The following FAM187B variants were observed in gnomAD, a reference collection of about 807,000 sequenced individuals.
FAM187B encodes the protein family with sequence similarity 187 member B.
In FAM187B, 22 loss-of-function variants were observed where a neutral mutation model predicts 22.6. That is an observed-to-expected ratio of 0.97 (90% CI 0.70 to 1.39). The LOEUF (loss-of-function observed/expected upper bound fraction) is 1.39, where lower values mean the gene tolerates loss of function less well. Among genes scored for constraint, FAM187B ranks in the 40% most tolerant of loss-of-function variants. The probability of loss-of-function intolerance (pLI) is 0.00; values close to 1 mark genes in which losing one functional copy is unlikely to be tolerated. For missense variants in FAM187B, 433 were observed against 462.1 expected (o/e 0.94, Z 0.58); for synonymous variants, 192 against 201.8 (o/e 0.95, Z 0.41).
rs1225551881 is a variant in FAM187B at position 35,228,169 on chromosome 19, G to C, written c.512C>G (p.Pro171Arg). 1 of 1,614,128 alleles carries C rather than the reference G, an allele frequency of 6.2e-7. No individual in the cohort carries two copies. The highest frequency in any genetic ancestry group is 2.2e-5 in the East Asian group (1 of 44,884). Reference sequence around the variant, plus strand: ...CCAGCAGGGCATGGCTTCCTCCAGAGGCTCCTCAATGTAGCGGTACCCCAG... The same window carrying C: ...CCAGCAGGGCATGGCTTCCTCCAGACGCTCCTCAATGTAGCGGTACCCCAG... ...KRLGYRYIEE[P>R]LEEAMPCWLY... The change falls in exon 1 of 2, where the codon CCT becomes CGT. Residue 171 changes from proline to arginine, a missense_variant. Coordinates refer to ENST00000324675, the MANE Select transcript of FAM187B (RefSeq NM_152481.2).
intron 1 of FAM187B, among the ~76,000 whole-genome samples, chr19:35,227,102 A>G (rs534706): frequency 0.68 from 103,602 of 152,014 alleles, 35,930 homozygotes; most frequent in Non-Finnish European, 0.75. Context: ...GCTAGAAAAA[A>G]GGAGGATTCT....
Position 35,228,285 on chromosome 19 carries a change from G to A in FAM187B, c.396C>T (p.Thr132=). ...TGAGCTGTTTGCTGCCCAAATGCAG[G>A]GTCTCGTTCTGCAGGGGCCTCTGAC... is the stretch of plus-strand genomic sequence containing the variant. ...DLGQRPLQNE[T]LHLGSKQLIF... Residue 132 remains threonine, a synonymous_variant, in exon 1 of 2, where the codon ACC becomes ACT. Coordinates refer to ENST00000324675, the MANE Select transcript of FAM187B (RefSeq NM_152481.2). 1 of 1,614,190 alleles carries A rather than the reference G, an allele frequency of 6.2e-7. No individual in the cohort carries two copies. Among genetic ancestry groups the A allele is most frequent in the Middle Eastern group, 1.6e-4 (1 of 6,062 alleles).
In FAM187B at chr19:35,228,565, T is replaced by C; in HGVS notation, c.116A>G (p.Asp39Gly). The stretch of plus-strand genomic sequence containing the variant: ...CGAGGAGTTGCAATACAGGAGAATA[T>C]CATTGCCTGAGAGTAGGGCCTGTTG... ...QCQQALLSGN[D>G]ILLYCNSSGA... is the part of the protein sequence containing the mutation. Residue 39 changes from aspartate to glycine, a missense_variant, in exon 1 of 2, where the codon GAT becomes GGT. By Grantham distance (94) the Asp-to-Gly change is moderately conservative. Transcript: ENST00000324675. The C allele has an allele frequency of 6.2e-7, 1 of 1,614,124 alleles. No individual in the cohort carries two copies. Among genetic ancestry groups the C allele is most frequent in the Non-Finnish European group, 8.5e-7 (1 of 1,180,030 alleles).
At position 35,225,045 on chromosome 19, in the gene FAM187B, T is replaced by C. The variant is rs1341933772; in HGVS notation, c.890A>G (p.Lys297Arg). Residue 297 changes from lysine (K) to arginine (R), a missense_variant, in exon 2 of 2, where the codon AAA (lysine) becomes AGA (arginine). Transcript: ENST00000324675. ...FVQQELVAQF[K>R]PAASLETLEA... is the part of the protein sequence containing the mutation. The stretch of plus-strand genomic sequence containing the variant: ...CAGCGTCTCCAGACTGGCGGCGGGT[T>C]TGAACTGGGCCACGAGCTCCTGCTG... 1 of 1,613,194 alleles carries C rather than the reference T, an allele frequency of 6.2e-7. No individual in the cohort carries two copies. The highest frequency in any genetic ancestry group is 1.3e-5 in the African/African-American group (1 of 74,924).
rs775162772 is a variant in FAM187B at position 35,225,086 on chromosome 19, G to C, written c.849C>G (p.Val283=). 2 of 1,611,418 alleles carry C rather than the reference G, an allele frequency of 1.2e-6. No homozygotes were observed. Among genetic ancestry groups the C allele is most frequent in the South Asian group, 2.2e-5 (2 of 90,840 alleles). The change falls in exon 2 of 2, where the codon GTC becomes GTG. Residue 283 remains valine (V), a synonymous_variant. Transcript: ENST00000324675. ...GRQLQVFQPA[V]YKCFVQQELV... is the part of the protein sequence containing the mutation. ...GCTCCTGCTGCACGAAGCACTTGTAGACGGCCGGCTGGAAAACCTGCAGCT... is the reference window on the plus strand; with the variant it reads ...GCTCCTGCTGCACGAAGCACTTGTACACGGCCGGCTGGAAAACCTGCAGCT...
chr19:35,227,227 T>TG (rs1453667372), intron 1 of FAM187B, among the ~76,000 whole-genome samples: 1 of 152,090 alleles, frequency 6.6e-6, no homozygotes, highest in African/African-American at 2.4e-5. Context: ...TTTGTTTTTT[T>TG]GTTTTTTGAG....
At chr19:35,226,167 A>G (rs918578422) in intron 1 of FAM187B, among the ~76,000 whole-genome samples, 1 of 151,980 alleles carries the variant, frequency 6.6e-6, no homozygotes, top group Admixed American at 6.6e-5. Context: ...CTCCGTCACC[A>G]TCCAAAATAC....
chr19:35,227,212 G>GT (rs757035145), intron 1 of FAM187B, among the ~76,000 whole-genome samples: 7 of 151,848 alleles, frequency 4.6e-5, no homozygotes, highest in Non-Finnish European at 1.0e-4. Context: ...GATTTCTGGG[G>GT]TTTTTTTGTT....
Position 35,225,010 on chromosome 19 carries a change from A to G in FAM187B, c.925T>C (p.Trp309Arg). ...AASLETLEAQ[W>R]RENDAQWREA... ...CGCCACTGGGCATCGTTCTCTCTCC[A>G]CTGAGCCTCCAGCGTCTCCAGACTG... Residue 309 changes from tryptophan to arginine, a missense_variant, in exon 2 of 2, where the codon TGG (tryptophan) becomes CGG (arginine). Coordinates refer to ENST00000324675, the MANE Select transcript of FAM187B (RefSeq NM_152481.2). 1 of 1,613,694 alleles carries G rather than the reference A, an allele frequency of 6.2e-7. No homozygotes were observed. Among genetic ancestry groups the G allele is most frequent in the East Asian group, 2.2e-5 (1 of 44,870 alleles).
chr19:35,228,369 C>G lies in FAM187B; in HGVS notation c.312G>C (p.Val104=). The G allele has an allele frequency of 6.2e-7, 1 of 1,614,216 alleles. No homozygotes were observed. The highest frequency in any genetic ancestry group is 8.5e-7 in the Non-Finnish European group (1 of 1,180,044). ...CATCCTGAAAGTCAATTTCATACTG[C>G]ACCACTTGGCGGCCATTCTTGTTCC... is the stretch of plus-strand genomic sequence containing the variant. The part of the protein sequence containing the change: ...HCWNKNGRQV[V]QYEIDFQDVT... Residue 104 remains valine (V), a synonymous_variant, in exon 1 of 2, where the codon GTG becomes GTC. Coordinates refer to ENST00000324675, the MANE Select transcript of FAM187B (RefSeq NM_152481.2).
At chr19:35,226,756 C>T (rs2065662835) in intron 1 of FAM187B, among the ~76,000 whole-genome samples, 1 of 152,190 alleles carries the variant, frequency 6.6e-6, no homozygotes, top group South Asian at 2.1e-4. Context: ...AGTCTTTAGT[C>T]CCCTTAACAC....
intron 1 of FAM187B, among the ~76,000 whole-genome samples, chr19:35,226,229 C>T (rs777594775): frequency 4.0e-5 from 6 of 151,152 alleles, no homozygotes; most frequent in East Asian, 4.0e-4. Context: ...TTTGGGAGGC[C>T]GATGTGGGAG....
At position 35,228,199 on chromosome 19, in the gene FAM187B, T is replaced by G. The variant is rs2145468803; in HGVS notation, c.482A>C (p.Lys161Thr). 6.2e-7 allele frequency: 1 copy of G among 1,614,098 alleles called. No individual in the cohort carries two copies. Among genetic ancestry groups the G allele is most frequent in the South Asian group, 1.1e-5 (1 of 91,082 alleles). Residue 161 changes from lysine to threonine, a missense_variant, in exon 1 of 2, where the codon AAA (lysine) becomes ACA (threonine). Transcript: ENST00000324675. The stretch of plus-strand genomic sequence containing the variant: ...CTCAATGTAGCGGTACCCCAGGCGT[T>G]TACACTCGCCCGGCTCCTCACAGCG... Reference protein sequence around the residue: ...CNRCEEPGECKRLGYRYIEEP... With the variant: ...CNRCEEPGECTRLGYRYIEEP...
At position 35,228,337 on chromosome 19, in the gene FAM187B, G is replaced by A. The variant is rs763485814; in HGVS notation, c.344C>T (p.Thr115Ile). The A allele has an allele frequency of 3.1e-6, 5 of 1,613,832 alleles. No individual in the cohort carries two copies. Among genetic ancestry groups the A allele is most frequent in the African/African-American group, 1.3e-5 (1 of 74,696 alleles). ...QYEIDFQDVT[T>I]LHITHKDLGQ... is the part of the protein sequence containing the mutation. ...CAGGTCCTTGTGTGTTATATGCAGGGTGGTGACATCCTGAAAGTCAATTTC... is the reference window on the plus strand; with the variant it reads ...CAGGTCCTTGTGTGTTATATGCAGGATGGTGACATCCTGAAAGTCAATTTC... The change falls in exon 1 of 2, where the codon ACC becomes ATC. Residue 115 changes from threonine to isoleucine, a missense_variant. By Grantham distance (89) the Thr-to-Ile change is moderately conservative (BLOSUM62 -1). Transcript: ENST00000324675.
chr19:35,228,014 G>T lies in FAM187B; in HGVS notation c.667C>A (p.Leu223Ile), dbSNP rs1409920729. The T allele has an allele frequency of 6.2e-7, 1 of 1,614,216 alleles. No individual in the cohort carries two copies. Among genetic ancestry groups the T allele is most frequent in the East Asian group, 2.2e-5 (1 of 44,886 alleles). The change falls in exon 1 of 2, where the codon CTC becomes ATC. Residue 223 changes from leucine (L) to isoleucine (I), a missense_variant. Leu to Ile is a conservative substitution (Grantham distance 5, BLOSUM62 2). Transcript: ENST00000324675. Reference sequence around the variant, plus strand: ...CACACAAATTCTGTCTTCTCATCGAGCCTGAAGTTGTCAAAAATGACGTAA... The same window carrying T: ...CACACAAATTCTGTCTTCTCATCGATCCTGAAGTTGTCAAAAATGACGTAA... Reference protein sequence around the residue: ...VDYVIFDNFRLDEKTEFVWLD... With the variant: ...VDYVIFDNFRIDEKTEFVWLD...
chr19:35,225,093 G>A lies in FAM187B; in HGVS notation c.842C>T (p.Pro281Leu), dbSNP rs1240983536. The A allele has an allele frequency of 6.2e-6, 10 of 1,610,344 alleles. No homozygotes were observed. The highest frequency in any genetic ancestry group is 1.7e-5 in the Admixed American group (1 of 59,694). Residue 281 changes from proline to leucine, a missense_variant, in exon 2 of 2, where the codon CCG becomes CTG. By Grantham distance (98) the Pro-to-Leu change is moderately conservative (BLOSUM62 -3). Transcript: ENST00000324675. ...TGGRQLQVFQ[P>L]AVYKCFVQQE... ...CTGCACGAAGCACTTGTAGACGGCC[G>A]GCTGGAAAACCTGCAGCTGCCTGCC...
Position 35,225,237 on chromosome 19 carries a change from C to G in FAM187B, c.723-25G>C, listed in dbSNP as rs1568431489. 6.8e-6 allele frequency: 10 copies of G among 1,460,854 alleles called. No homozygotes were observed. In the South Asian group the frequency reaches 1.3e-4, roughly 19 times the overall value. 90.5% of individuals were successfully genotyped at this position (1,460,854 alleles called of 1,614,324 possible). A position where few individuals can be genotyped will look rare whatever the true frequency, so the allele number is the denominator to read the frequency against. Reference sequence around the variant, plus strand: ...CCTGCGAGGAGGACAAGGTCAGGTGCAGGGCCAGGGAGAAAGGAGGGACCG... The same window carrying G: ...CCTGCGAGGAGGACAAGGTCAGGTGGAGGGCCAGGGAGAAAGGAGGGACCG... On this transcript the variant is annotated intron_variant, in intron 1 of 1. Transcript: ENST00000324675.
chr19:35,225,657 T>G (rs930099180), intron 1 of FAM187B, among the ~76,000 whole-genome samples: 2 of 151,728 alleles, frequency 1.3e-5, no homozygotes, highest in African/African-American at 4.8e-5. Flanking sequence ...TGCAAAAATT[T>G]AAAAAATTAG....
chr19:35,227,907 A>T, intron 1 of FAM187B, 52 bp downstream of exon 1: 1 of 1,557,384 alleles, frequency 6.4e-7, no homozygotes. Flanking sequence ...ACCAGGAAGG[A>T]TCCCCTGACC....
Sources: allele counts gnomAD v4.1 joint callset (sites outside exome capture counted in the v4.1 genomes callset), GRCh38; gene constraint gnomAD v4.1.1; transcripts MANE v1.5; gene names NCBI Gene and HGNC (gene_info 2026-07-23, HGNC 2026-07-21).